The following SLC4A4 variants were observed in gnomAD, a reference collection of about 807,000 sequenced individuals.
SLC4A4 encodes solute carrier family 4 member 4, also known as electrogenic sodium bicarbonate cotransporter 1.
Under a neutral mutation model 111.5 loss-of-function variants are expected in SLC4A4, and 27 were observed. The ratio of observed to expected loss-of-function variants is 0.24; its 90% CI spans 0.18 to 0.33. The LOEUF (loss-of-function observed/expected upper bound fraction) is 0.33. Among genes scored for constraint, SLC4A4 ranks in the 10% least tolerant of loss-of-function variants. The pLI, the probability that SLC4A4 is intolerant of heterozygous loss-of-function variation, is 1.00. For missense variants in SLC4A4, 909 were observed against 1,315.5 expected, an observed-to-expected ratio of 0.69 and a Z score of 4.78; for synonymous variants, 443 against 463.4, an observed-to-expected ratio of 0.96 and a Z score of 0.57.
intron 2 of SLC4A4, among the ~76,000 whole-genome samples, chr4:71,127,010 T>C (rs1743579286): frequency 6.6e-6 from 1 of 152,208 alleles, no homozygotes; most frequent in Non-Finnish European, 1.5e-5. Flanking sequence ...ATGGACAGCC[T>C]AGAAACCACA....
intron 1 of SLC4A4, among the ~76,000 whole-genome samples, chr4:71,212,861 T>G (rs2602103): frequency 0.24 from 36,544 of 151,998 alleles, 6,172 homozygotes; most frequent in African/African-American, 0.43. Context: ...ATACAGTCAT[T>G]CCTTGCATAA....
intron 14 of SLC4A4, chr4:71,473,450 A>G (rs1235486623): frequency 4.5e-6 from 1 of 224,378 alleles, no homozygotes; most frequent in Non-Finnish European, 8.8e-6. Flanking sequence ...AATTATGAAA[A>G]AAAGAAATTC....
intron 7 of SLC4A4, 129 bp downstream of exon 7, chr4:71,397,782 T>G: frequency 5.0e-6 from 4 of 803,026 alleles, no homozygotes; most frequent in Non-Finnish European, 8.7e-6. Context: ...GTTTGCACTT[T>G]CCTGGGCAGA....
intron 7 of SLC4A4, among the ~76,000 whole-genome samples, chr4:71,425,291 AAC>A (rs1723018926): frequency 6.6e-6 from 1 of 152,124 alleles, no homozygotes; most frequent in African/African-American, 2.4e-5. Flanking sequence ...CCAGAAGCAG[AAC>A]ACTGGTAAAC....
chr4:71,159,655 C>A (rs180710109), intron 2 of SLC4A4, among the ~76,000 whole-genome samples: 1 of 152,312 alleles, frequency 6.6e-6, no homozygotes, highest in East Asian at 1.9e-4. Context: ...TGAGCCACAG[C>A]ACCCAGCTAA....
rs577694376 is a variant in SLC4A4, at chr4:71,449,639, G to A, written c.1054-750G>A. On this transcript the variant is annotated intron_variant, in intron 9 of 25. Coordinates refer to ENST00000264485, the MANE Select transcript of SLC4A4 (RefSeq NM_001098484.3). Reference sequence around the variant, plus strand: ...TTGAACAGGGACCATCTTCTCTTCTGAAGACTAAAGAATTTGACTTATGAA... The same window carrying A: ...TTGAACAGGGACCATCTTCTCTTCTAAAGACTAAAGAATTTGACTTATGAA... Among the ~76,000 whole-genome samples the A allele has an allele frequency of 4.6e-5, 7 of 152,240 alleles. No individual in the cohort carries two copies. The South Asian group carries it at 1.5e-3, about 32-fold the overall frequency.
chr4:71,520,374 A>T (rs1296457747), intron 16 of SLC4A4, among the ~76,000 whole-genome samples: 3 of 152,234 alleles, frequency 2.0e-5, no homozygotes, highest in African/African-American at 7.2e-5. Context: ...ATCAACCAGC[A>T]CAAGGTCGGA....
intron 24 of SLC4A4, 93 bp from the exon 25 acceptor site, chr4:71,566,911 A>G (rs1737522704): frequency 1.1e-6 from 1 of 931,064 alleles, no homozygotes; most frequent in Admixed American, 1.9e-5. Context: ...TACTCTTACC[A>G]GTTATGGAAG....
chr4:71,533,514 C>T (rs1734129457), intron 17 of SLC4A4, among the ~76,000 whole-genome samples: 1 of 151,882 alleles, frequency 6.6e-6, no homozygotes, highest in South Asian at 2.1e-4. Flanking sequence ...GCGTAGGAAA[C>T]CCTTTTTTTT....
intron 3 of SLC4A4, among the ~76,000 whole-genome samples, chr4:71,256,652 A>G (rs1193407257): frequency 6.6e-6 from 1 of 152,194 alleles, no homozygotes; most frequent in Non-Finnish European, 1.5e-5. Flanking sequence ...GGTCTGTCTG[A>G]AAGGGATCCT....
intron 2 of SLC4A4, among the ~76,000 whole-genome samples, chr4:71,146,867 G>A (rs1373884991): frequency 6.6e-6 from 1 of 152,090 alleles, no homozygotes; most frequent in Non-Finnish European, 1.5e-5. Context: ...CATAATGACA[G>A]GATCAAATTC....
At chr4:71,290,850 G>A (rs904132140) in intron 3 of SLC4A4, among the ~76,000 whole-genome samples, 1 of 152,190 alleles carries the variant, frequency 6.6e-6, no homozygotes, top group Admixed American at 6.5e-5. Flanking sequence ...TGTAAAACCT[G>A]AGCAGTGTTA....
At chr4:71,453,816 C>A (rs1052006043) in intron 12 of SLC4A4, 147 bp downstream of exon 12, 2 of 741,174 alleles carry the variant, frequency 2.7e-6, no homozygotes, top group Non-Finnish European at 4.7e-6. Context: ...TTGCTTCTGG[C>A]CTGCTGCTGT....
At chr4:71,487,067 A>G (rs1478317023) in intron 15 of SLC4A4, 49 bp downstream of exon 15, 1 of 1,061,368 alleles carries the variant, frequency 9.4e-7, no homozygotes, top group Admixed American at 1.7e-5. Flanking sequence ...TGCATATTGT[A>G]TACTTGTTTA....
intron 1 of SLC4A4, among the ~76,000 whole-genome samples, chr4:71,195,298 A>G (rs751689274): frequency 2.1e-5 from 3 of 144,576 alleles, no homozygotes; most frequent in Admixed American, 1.4e-4. Context: ...CCATCATTTA[A>G]GTATAGCTGT....
chr4:71,431,998 A>G (rs1380116369), intron 7 of SLC4A4, among the ~76,000 whole-genome samples: 1 of 152,178 alleles, frequency 6.6e-6, no homozygotes, highest in Admixed American at 6.6e-5. Flanking sequence ...GTGGAGAATG[A>G]ACTGATCTTA....
rs1726828227 is a variant in SLC4A4 at position 71,318,049 on chromosome 4, C to T, written c.254-21321C>T. Among the ~76,000 whole-genome samples the T allele has an allele frequency of 2.0e-5, 3 of 151,518 alleles. No homozygotes were observed. The South Asian group carries it at 6.4e-4, about 32-fold the overall frequency. ...AGAATCTCTTCAATAAACCTCATAA[C>T]TGTCTTTTGAAGAGGTCTTGCAAGT... On this transcript the variant is annotated intron_variant, in intron 3 of 25. Transcript: ENST00000264485.
At chr4:71,073,786 G>A (rs1741731044) in intron 1 of SLC4A4, among the ~76,000 whole-genome samples, 1 of 151,966 alleles carries the variant, frequency 6.6e-6, no homozygotes, top group Admixed American at 6.6e-5. Context: ...AATTTCCTAA[G>A]AAAATCCAGA....
intron 2 of SLC4A4, among the ~76,000 whole-genome samples, chr4:71,169,214 C>T (rs958482030): frequency 1.3e-5 from 2 of 151,400 alleles, no homozygotes; most frequent in African/African-American, 4.9e-5. Flanking sequence ...TGGGGTTTCA[C>T]CATGTTGGTC....
Sources: allele counts gnomAD v4.1 joint callset (sites outside exome capture counted in the v4.1 genomes callset), GRCh38; gene constraint gnomAD v4.1.1; transcripts MANE v1.5; gene names NCBI Gene and HGNC (gene_info 2026-07-23, HGNC 2026-07-21).